Variants in IGF1R observed in about 807,000 individuals in gnomAD.
IGF1R encodes the protein insulin like growth factor 1 receptor.
A neutral mutation model predicts 144.6 loss-of-function variants in IGF1R; 44 were observed. The ratio of observed to expected loss-of-function variants is 0.30; its 90% CI spans 0.24 to 0.39. The LOEUF is 0.39. Ranked by LOEUF, IGF1R falls within the 10% of genes least tolerant of loss-of-function variation. The probability of loss-of-function intolerance (pLI) is 1.00; values close to 1 mark genes in which losing one functional copy is unlikely to be tolerated. For missense variants in IGF1R, 1,355 were observed against 1,833.7 expected (o/e 0.74, Z 4.77); for synonymous variants, 795 against 722.8 (o/e 1.10, Z -1.60).
chr15:98,653,666 A>G (rs1055890726), intron 1 of IGF1R, among the ~76,000 whole-genome samples: 1 of 152,234 alleles, frequency 6.6e-6, no homozygotes, highest in Non-Finnish European at 1.5e-5. Context: ...GTGTGCATTT[A>G]TCCAGATTTA....
At chr15:98,759,258 G>A (rs1033519895) in intron 2 of IGF1R, among the ~76,000 whole-genome samples, 2 of 152,222 alleles carry the variant, frequency 1.3e-5, no homozygotes, top group African/African-American at 4.8e-5. Context: ...CTGTATCTCA[G>A]TGCAGGTGTT....
At chr15:98,931,299 G>A (rs2015931632) in intron 15 of IGF1R, among the ~76,000 whole-genome samples, 1 of 152,188 alleles carries the variant, frequency 6.6e-6, no homozygotes, top group South Asian at 2.1e-4. Context: ...AGTGTTTGCT[G>A]TCTTCTTGCC....
At chr15:98,808,024 C>G (rs969187764) in intron 2 of IGF1R, among the ~76,000 whole-genome samples, 1 of 152,158 alleles carries the variant, frequency 6.6e-6, no homozygotes, top group Non-Finnish European at 1.5e-5. Flanking sequence ...GGTACTATTT[C>G]TGTGCAGTAA....
chr15:98,686,312 A>G (rs1052357888), intron 1 of IGF1R, among the ~76,000 whole-genome samples: 1 of 152,196 alleles, frequency 6.6e-6, no homozygotes, highest in Non-Finnish European at 1.5e-5. Flanking sequence ...ATGCTTATCC[A>G]TTTGTCTGTC....
In IGF1R at chr15:98,707,667, C is replaced by T; in HGVS notation, c.200C>T (p.Ala67Val). 1 of 1,614,174 alleles carries T rather than the reference C, an allele frequency of 6.2e-7. No individual in the cohort carries two copies. The highest frequency in any genetic ancestry group is 8.5e-7 in the Non-Finnish European group (1 of 1,180,046). ...GYLHILLISK[A>V]EDYRSYRFPK... ...CTCCACATCCTGCTCATCTCCAAGG[C>T]CGAGGACTACCGCAGCTACCGCTTC... The change falls in exon 2 of 21, where the codon GCC becomes GTC. Residue 67 changes from alanine to valine, a missense_variant. Coordinates refer to ENST00000650285, the MANE Select transcript of IGF1R (RefSeq NM_000875.5). The surrounding 1 kb of genome is among the most constrained non-coding windows in gnomAD (Gnocchi z 6.7).
intron 2 of IGF1R, among the ~76,000 whole-genome samples, chr15:98,856,706 ATTC>A (rs902311573): frequency 6.6e-6 from 1 of 152,240 alleles, no homozygotes; most frequent in African/African-American, 2.4e-5. Context: ...GCAAAATACC[ATTC>A]TTCTTAAGTT....
intron 2 of IGF1R, among the ~76,000 whole-genome samples, chr15:98,802,867 G>A (rs2141439419): frequency 6.6e-6 from 1 of 152,192 alleles, no homozygotes; most frequent in South Asian, 2.1e-4. Flanking sequence ...TCCTAGATAG[G>A]AATTGTGCTA....
At chr15:98,736,619 T>C (rs1435044885) in intron 2 of IGF1R, among the ~76,000 whole-genome samples, 2 of 142,460 alleles carry the variant, frequency 1.4e-5, no homozygotes, top group South Asian at 2.1e-4. Context: ...TCTTTTTTCT[T>C]TTTTTTTTTT....
intron 3 of IGF1R, among the ~76,000 whole-genome samples, chr15:98,893,693 A>C (rs563521521): frequency 6.6e-6 from 1 of 152,346 alleles, no homozygotes; most frequent in African/African-American, 2.4e-5. Context: ...GTCGTTCTGC[A>C]GCCACCAGAG....
chr15:98,888,918 C>CAA (rs2013775376), intron 2 of IGF1R, among the ~76,000 whole-genome samples: 1 of 152,182 alleles, frequency 6.6e-6, no homozygotes, highest in African/African-American at 2.4e-5. Flanking sequence ...CTTGATGTTT[C>CAA]GCCTTGTGGT....
intron 1 of IGF1R, among the ~76,000 whole-genome samples, chr15:98,694,025 C>T (rs1033661966): frequency 1.3e-5 from 2 of 152,332 alleles, no homozygotes; most frequent in East Asian, 3.9e-4. Context: ...TGCTGCTTGG[C>T]AGCACCTGCC....
intron 5 of IGF1R, among the ~76,000 whole-genome samples, chr15:98,902,574 C>T (rs569963489): frequency 4.4e-5 from 6 of 136,060 alleles, no homozygotes; most frequent in South Asian, 4.9e-4. Flanking sequence ...CGCACCACCA[C>T]GCCCGGCTTA....
chr15:98,785,920 T>C (rs1486457405), intron 2 of IGF1R, among the ~76,000 whole-genome samples: 1 of 148,320 alleles, frequency 6.7e-6, no homozygotes, highest in Non-Finnish European at 1.5e-5. Context: ...TGGAGCACAA[T>C]GTGGGCTCGG....
At chr15:98,787,318 C>T (rs1286887094) in intron 2 of IGF1R, among the ~76,000 whole-genome samples, 4 of 152,286 alleles carry the variant, frequency 2.6e-5, no homozygotes, top group Non-Finnish European at 5.9e-5. Flanking sequence ...TAGAAAGTGC[C>T]CCCATAGCAC....
intron 15 of IGF1R, among the ~76,000 whole-genome samples, chr15:98,933,184 A>G (rs1220792759): frequency 6.6e-6 from 1 of 152,306 alleles, no homozygotes; most frequent in East Asian, 1.9e-4. Flanking sequence ...GACATTTCAT[A>G]TGGATCTTAT....
Position 98,649,448 on chromosome 15 carries a change from C to T in IGF1R, c.-134C>T. Reference sequence around the variant, plus strand: ...GCCGCCTTCGGAGTATTGTTTCCTTCGCCCTTGTTTTTGGAGGGGGAGCGA... The same window carrying T: ...GCCGCCTTCGGAGTATTGTTTCCTTTGCCCTTGTTTTTGGAGGGGGAGCGA... On this transcript the variant is annotated 5_prime_UTR_variant, in exon 1 of 21. Coordinates refer to ENST00000650285, the MANE Select transcript of IGF1R (RefSeq NM_000875.5). The T allele has an allele frequency of 1.5e-6, 1 of 661,344 alleles. No individual in the cohort carries two copies. The allele number at this position is 661,344 out of a possible 1,614,324, so 41.0% of individuals were successfully genotyped here.
At chr15:98,819,381 G>A (rs190739160) in intron 2 of IGF1R, among the ~76,000 whole-genome samples, 1 of 152,190 alleles carries the variant, frequency 6.6e-6, no homozygotes, top group South Asian at 2.1e-4. Flanking sequence ...GATATTAGGA[G>A]CTGGGGCCTT....
intron 1 of IGF1R, among the ~76,000 whole-genome samples, chr15:98,679,309 C>G (rs141984520): frequency 1.3e-5 from 2 of 152,156 alleles, no homozygotes; most frequent in Non-Finnish European, 2.9e-5. Context: ...GTGTTATGCC[C>G]TCTGTATCTG....
chr15:98,728,558 C>T (rs1369501463), intron 2 of IGF1R, among the ~76,000 whole-genome samples: 8 of 152,230 alleles, frequency 5.3e-5, no homozygotes, highest in Non-Finnish European at 1.0e-4. Context: ...GCTTGAAGAG[C>T]GGCTATTAGC....
Sources: allele counts gnomAD v4.1 joint callset (sites outside exome capture counted in the v4.1 genomes callset), GRCh38; gene constraint gnomAD v4.1.1; non-coding constraint Gnocchi (gnomAD v3.1); transcripts MANE v1.5; gene names NCBI Gene and HGNC (gene_info 2026-07-23, HGNC 2026-07-21).